Variants in SCUBE2 observed in about 807,000 individuals in gnomAD.
SCUBE2 encodes the protein signal peptide, CUB and EGF-like domain-containing protein 2.
In SCUBE2, 114 loss-of-function variants were observed where a neutral mutation model predicts 125.9. That is an observed-to-expected ratio of 0.91 (90% CI 0.78 to 1.06). SCUBE2 has a LOEUF of 1.06. Among genes scored for constraint, SCUBE2 ranks in the 50% least tolerant of loss-of-function variants. The pLI is 0.00. For missense variants in SCUBE2, 1,255 were observed against 1,301.8 expected (o/e 0.96, Z 0.55); for synonymous variants, 459 against 492.9 (o/e 0.93, Z 0.91).
intron 16 of SCUBE2, among the ~76,000 whole-genome samples, chr11:9,046,155 C>T (rs766751588): frequency 1.3e-5 from 2 of 151,910 alleles, no homozygotes; most frequent in Middle Eastern, 3.2e-3. Flanking sequence ...TATAGGCACG[C>T]GCCACCACGC....
At chr11:9,089,861 G>A (rs1862483168) in intron 1 of SCUBE2, 32 bp from the exon 2 acceptor site, 2 of 1,608,704 alleles carry the variant, frequency 1.2e-6, no homozygotes, top group South Asian at 1.1e-5. Context: ...ACCTGGTACA[G>A]GCTCCCAGGC....
In SCUBE2 at chr11:9,053,299, G is replaced by T. The variant is rs141354038; in HGVS notation, c.1331-84C>A. On this transcript the variant is annotated intron_variant, in intron 11 of 22. Coordinates refer to ENST00000649792, the MANE Select transcript of SCUBE2 (RefSeq NM_001367977.2). ...GATGGTTGAGTCCCATGCACCAAAG[G>T]CCCCAAGAAAAGAAGGTAGAGCTCA... 122 of 1,141,238 alleles carry T rather than the reference G, an allele frequency of 1.1e-4. No homozygotes were observed. The African/African-American group carries it at 1.2e-3, about 11-fold the overall frequency. 70.7% of individuals were successfully genotyped at this position (1,141,238 alleles called of 1,614,324 possible).
At chr11:9,082,085 A>AGAGATGTC (rs771549546) in intron 2 of SCUBE2, among the ~76,000 whole-genome samples, 2 of 152,368 alleles carry the variant, frequency 1.3e-5, no homozygotes, top group Non-Finnish European at 2.9e-5. Flanking sequence ...CCTAATCATC[A>AGAGATGTC]GAGATGTCGA....
At chr11:9,049,469 C>T (rs947536155) in intron 14 of SCUBE2, among the ~76,000 whole-genome samples, 1 of 152,076 alleles carries the variant, frequency 6.6e-6, no homozygotes, top group Non-Finnish European at 1.5e-5. Flanking sequence ...CGCTCCTGAA[C>T]TCCTGAACTC....
At chr11:9,041,783 G>C (rs577171534) in intron 16 of SCUBE2, among the ~76,000 whole-genome samples, 105 of 152,330 alleles carry the variant, frequency 6.9e-4, no homozygotes, top group Non-Finnish European at 1.4e-3. Flanking sequence ...AGTAGCTATA[G>C]AGATGCATGA....
chr11:9,021,364 CTAAT>C lies in SCUBE2; in HGVS notation c.2935-171_2935-168del, dbSNP rs1207665096. 2.0e-5 allele frequency among the ~76,000 whole-genome samples: 3 copies of C among 151,982 alleles called. No homozygotes were observed. The East Asian group carries it at 5.8e-4, about 29-fold the overall frequency. ...ATCTTCTTTCCAGTTTTTATTTTTCCTAATTAGTTTTAAGAAGTATGAATTACTT... is the reference window on the plus strand; with the variant it reads ...ATCTTCTTTCCAGTTTTTATTTTTCCTAGTTTTAAGAAGTATGAATTACTT... On this transcript the variant is annotated intron_variant, in intron 22 of 22. Transcript: ENST00000649792.
chr11:9,025,911 G>A, intron 20 of SCUBE2, 57 bp from the exon 21 acceptor site: 3 of 1,533,276 alleles, frequency 2.0e-6, no homozygotes, highest in Non-Finnish European at 2.7e-6. Flanking sequence ...ATCAGGCATA[G>A]AGTAGATGCT....
intron 1 of SCUBE2, among the ~76,000 whole-genome samples, chr11:9,090,993 A>C (rs1366070102): frequency 6.6e-6 from 1 of 152,200 alleles, no homozygotes; most frequent in Non-Finnish European, 1.5e-5. Context: ...CCGGCCCCCA[A>C]AGAAAGAAAC....
At chr11:9,026,150 C>A in intron 20 of SCUBE2, 1 of 242,214 alleles carries the variant, frequency 4.1e-6, no homozygotes, top group Non-Finnish European at 7.9e-6. Context: ...CAGAACTGAC[C>A]TGCTGTCATC....
chr11:9,053,313 A>C, intron 11 of SCUBE2, 98 bp from the exon 12 acceptor site: 1 of 1,009,576 alleles, frequency 9.9e-7, no homozygotes, highest in South Asian at 1.4e-5. Context: ...CAAGAAAAGA[A>C]GGTAGAGCTC....
At chr11:9,039,083 C>G (rs1193530961) in intron 16 of SCUBE2, among the ~76,000 whole-genome samples, 1 of 152,014 alleles carries the variant, frequency 6.6e-6, no homozygotes, top group Admixed American at 6.5e-5. Context: ...ATAGGGTCTC[C>G]TGGGCTCAAG....
At position 9,030,926 on chromosome 11, in the gene SCUBE2, C is replaced by T; in HGVS notation, c.2174-1G>A. 1.9e-6 allele frequency: 3 copies of T among 1,612,792 alleles called. No individual in the cohort carries two copies. The highest frequency in any genetic ancestry group is 2.5e-6 in the Non-Finnish European group (3 of 1,179,298). ...GAATATTCACCAGGTTGACACAGAC[C>T]TGGAAGGACCAATAGCCTTACGTGA... On this transcript the variant is annotated splice_acceptor_variant, in intron 17 of 22. Transcript: ENST00000649792. LOFTEE classifies it high-confidence loss of function.
intron 13 of SCUBE2, among the ~76,000 whole-genome samples, chr11:9,051,533 A>G (rs1858415673): frequency 6.6e-6 from 1 of 152,170 alleles, no homozygotes; most frequent in African/African-American, 2.4e-5. Context: ...TCCCACTGTG[A>G]GAGCCTGATG....
At chr11:9,049,427 G>A (rs1212897116) in intron 14 of SCUBE2, among the ~76,000 whole-genome samples, 5 of 151,850 alleles carry the variant, frequency 3.3e-5, no homozygotes, top group Non-Finnish European at 7.4e-5. Context: ...TATAGTTTTT[G>A]TAGAGATGGG....
intron 7 of SCUBE2, among the ~76,000 whole-genome samples, chr11:9,063,346 G>C (rs948198191): frequency 6.6e-6 from 1 of 152,130 alleles, no homozygotes; most frequent in Non-Finnish European, 1.5e-5. Context: ...ACTAAAAATA[G>C]GTGGGCAAAA....
In SCUBE2 at chr11:9,048,232, C is replaced by G. The variant is rs1858001564; in HGVS notation, c.1640-134G>C. 5.0e-6 allele frequency: 4 copies of G among 796,476 alleles called. No homozygotes were observed. In the East Asian group the frequency reaches 1.0e-4, roughly 20 times the overall value. 49.3% of individuals were successfully genotyped at this position (796,476 alleles called of 1,614,324 possible). On this transcript the variant is annotated intron_variant, in intron 14 of 22. Coordinates refer to ENST00000649792, the MANE Select transcript of SCUBE2 (RefSeq NM_001367977.2). Reference sequence around the variant, plus strand: ...GTGATTATCTCCAGATGCCAAGACACTGCAAGCCCTTAACTTGGAGCACAA... The same window carrying G: ...GTGATTATCTCCAGATGCCAAGACAGTGCAAGCCCTTAACTTGGAGCACAA...
intron 3 of SCUBE2, among the ~76,000 whole-genome samples, chr11:9,074,946 C>T (rs4061964): frequency 0.88 from 133,338 of 152,194 alleles, 58,518 homozygotes; most frequent in Middle Eastern, 0.91. Flanking sequence ...CCAGGTGTGG[C>T]GGCTCAAGCC....
chr11:9,031,421 C>T (rs1856295576), intron 17 of SCUBE2, among the ~76,000 whole-genome samples: 1 of 152,132 alleles, frequency 6.6e-6, no homozygotes, highest in Admixed American at 6.5e-5. Flanking sequence ...TCACTTGAGC[C>T]TAGGAGCTCA....
chr11:9,033,522 A>G, intron 17 of SCUBE2, 104 bp downstream of exon 17: 2 of 1,351,280 alleles, frequency 1.5e-6, no homozygotes, highest in South Asian at 2.8e-5. Flanking sequence ...TGCTTGTAGG[A>G]AGCCCCGGGT....
Sources: gnomAD v4.1 joint callset for allele counts (sites outside exome capture counted in the v4.1 genomes callset) on GRCh38, gnomAD v4.1.1 for gene constraint, MANE v1.5 for transcripts, NCBI Gene and HGNC (gene_info 2026-07-23, HGNC 2026-07-21) for gene names.